CWC27: variants seen among roughly 807,000 people sequenced by gnomAD.
CWC27 encodes spliceosome-associated protein CWC27 homolog.
Under a neutral mutation model 63.6 loss-of-function variants are expected in CWC27, and 47 were observed. The observed-to-expected ratio is 0.74, with a 90% confidence interval of 0.58 to 0.94. The LOEUF is 0.94. CWC27 is among the 40% of genes least tolerant of loss of function. CWC27 has a pLI of 0.00. For missense variants in CWC27, 495 were observed against 554.3 expected (o/e 0.89, Z 1.07); for synonymous variants, 175 against 179.8 (o/e 0.97, Z 0.22).
At chr5:64,805,170 C>G (rs562341310) in intron 10 of CWC27, among the ~76,000 whole-genome samples, 1 of 151,846 alleles carries the variant, frequency 6.6e-6, no homozygotes, top group African/African-American at 2.4e-5. Flanking sequence ...AAAAGGATTT[C>G]CACGCTATCA....
chr5:64,981,940 G>A (rs1265812819), intron 13 of CWC27, among the ~76,000 whole-genome samples: 3 of 152,186 alleles, frequency 2.0e-5, no homozygotes, highest in African/African-American at 7.2e-5. Flanking sequence ...ATTTTTTTCA[G>A]TTTTATTATT....
chr5:64,929,523 T>C (rs1421118957), intron 11 of CWC27, among the ~76,000 whole-genome samples: 1 of 152,144 alleles, frequency 6.6e-6, no homozygotes, highest in Non-Finnish European at 1.5e-5. Context: ...AATAAAAAGA[T>C]AATGCAATTT....
At chr5:64,803,691 G>C (rs1267748902) in intron 9 of CWC27, among the ~76,000 whole-genome samples, 1 of 152,152 alleles carries the variant, frequency 6.6e-6, no homozygotes, top group African/African-American at 2.4e-5. Context: ...GGCTAGTGTT[G>C]GTGGGCTGGA....
intron 10 of CWC27, among the ~76,000 whole-genome samples, chr5:64,863,350 T>G (rs996670096): frequency 6.6e-6 from 1 of 152,098 alleles, no homozygotes; most frequent in Admixed American, 6.6e-5. Flanking sequence ...TTACCTCTCT[T>G]TTACTCAAGA....
intron 11 of CWC27, among the ~76,000 whole-genome samples, chr5:64,917,060 A>G (rs2112385797): frequency 6.6e-6 from 1 of 152,252 alleles, no homozygotes; most frequent in Non-Finnish European, 1.5e-5. Context: ...TGAGCTGGCT[A>G]AAGAGATAGT....
chr5:64,848,723 T>G (rs1746052351), intron 10 of CWC27, among the ~76,000 whole-genome samples: 1 of 152,048 alleles, frequency 6.6e-6, no homozygotes, highest in Non-Finnish European at 1.5e-5. Context: ...ATTAACAAAA[T>G]GAAGTATAAA....
chr5:64,841,487 A>G (rs1487726716), intron 10 of CWC27, among the ~76,000 whole-genome samples: 1 of 152,188 alleles, frequency 6.6e-6, no homozygotes, highest in Non-Finnish European at 1.5e-5. Context: ...CAGTGAATAT[A>G]CCCTTACCCA....
At chr5:64,861,766 C>T (rs1746417558) in intron 10 of CWC27, among the ~76,000 whole-genome samples, 1 of 152,188 alleles carries the variant, frequency 6.6e-6, no homozygotes. Context: ...AATACCAGGT[C>T]TCAACTGCCA....
chr5:64,926,883 A>G (rs954266586), intron 11 of CWC27, among the ~76,000 whole-genome samples: 4 of 152,348 alleles, frequency 2.6e-5, no homozygotes, highest in South Asian at 4.1e-4. Context: ...TTTACTATGT[A>G]ATAGCAATAT....
At chr5:64,769,280 G>A in intron 1 of CWC27, 92 bp downstream of exon 1, 7 of 1,106,842 alleles carry the variant, frequency 6.3e-6, no homozygotes, top group Non-Finnish European at 8.3e-6. Context: ...AGGATCTCGT[G>A]GTAGGAAGAG....
chr5:64,809,088 C>T lies in CWC27; in HGVS notation c.938+4702C>T, dbSNP rs1486089099. On this transcript the variant is annotated intron_variant, in intron 10 of 13. Transcript: ENST00000381070. ...ATTACCCATAAATTCACCTCTTGCC[C>T]CATTCTAGTTACTTCCCCCTCATCT... Among the ~76,000 whole-genome samples the T allele has an allele frequency of 2.0e-5, 3 of 152,046 alleles. No individual in the cohort carries two copies. The East Asian group carries it at 5.8e-4, about 29-fold the overall frequency.
chr5:64,956,174 T>C (rs892647547), intron 11 of CWC27, among the ~76,000 whole-genome samples: 8 of 152,088 alleles, frequency 5.3e-5, no homozygotes, highest in Non-Finnish European at 1.2e-4. Context: ...AATCAATAAT[T>C]AGGTATAGGA....
At chr5:64,957,273 T>C (rs1285861204) in intron 11 of CWC27, among the ~76,000 whole-genome samples, 1 of 152,206 alleles carries the variant, frequency 6.6e-6, no homozygotes, top group Admixed American at 6.5e-5. Flanking sequence ...ATTCTTTTTA[T>C]CTTGAAGAAT....
At position 64,971,053 on chromosome 5, in the gene CWC27, A is replaced by G. The variant is rs190768370; in HGVS notation, c.1043-650A>G. Among the ~76,000 whole-genome samples, 3 of 151,154 alleles carry G rather than the reference A, an allele frequency of 2.0e-5. No homozygotes were observed. The East Asian group carries it at 5.9e-4, about 30-fold the overall frequency. ...CACATGTGAGGTATTATAAAATGTT[A>G]CTAGTTGGGTTTGTTGGCTTGTTTG... On this transcript the variant is annotated intron_variant, in intron 11 of 13. Transcript: ENST00000381070.
chr5:64,781,982 T>G lies in CWC27; in HGVS notation c.201T>G (p.Asp67Glu). ...CTGGTTTCATAGTCCAAGGCGGAGA[T>G]CCTACTGGCACAGGGAGTGGTGGAG... ...VVPGFIVQGG[D>E]PTGTGSGGES... Residue 67 changes from aspartate to glutamate, a missense_variant, in exon 3 of 14, where the codon GAT becomes GAG. Physicochemically the swap from Asp to Glu is conservative, Grantham distance 45. Around this residue, in one of 3 missense-constraint regions of CWC27, gnomAD observed 463 missense variants for 498.1 expected, o/e 0.93. Coordinates refer to ENST00000381070, the MANE Select transcript of CWC27 (RefSeq NM_005869.4). 2 of 1,605,238 alleles carry G rather than the reference T, an allele frequency of 1.2e-6. No individual in the cohort carries two copies. Among genetic ancestry groups the G allele is most frequent in the Non-Finnish European group, 1.7e-6 (2 of 1,173,948 alleles).
chr5:64,921,660 A>G (rs1166257211), intron 11 of CWC27, among the ~76,000 whole-genome samples: 1 of 152,156 alleles, frequency 6.6e-6, no homozygotes, highest in African/African-American at 2.4e-5. Flanking sequence ...ATTTACATTC[A>G]GGGTCAATAT....
At chr5:64,773,665 A>T (rs1413500403) in intron 1 of CWC27, among the ~76,000 whole-genome samples, 1 of 152,252 alleles carries the variant, frequency 6.6e-6, no homozygotes, top group Non-Finnish European at 1.5e-5. Context: ...TAGGGGAGAA[A>T]AAAGAAGAAG....
At chr5:64,829,400 A>G (rs1233671711) in intron 10 of CWC27, among the ~76,000 whole-genome samples, 2 of 152,230 alleles carry the variant, frequency 1.3e-5, no homozygotes, top group Non-Finnish European at 1.5e-5. Flanking sequence ...TTTTTCCCCA[A>G]TTTGAAAAAT....
rs147745325 is a variant in CWC27, at chr5:64,812,041, G to A, written c.938+7655G>A. On this transcript the variant is annotated intron_variant, in intron 10 of 13. Coordinates refer to ENST00000381070, the MANE Select transcript of CWC27 (RefSeq NM_005869.4). ...ATTAATAAGCTTCTTCTCGTACTTA[G>A]ATAATTTTTGACTCTTACTGTACTT... is the stretch of plus-strand genomic sequence containing the variant. Among the ~76,000 whole-genome samples the A allele has an allele frequency of 2.2e-3, 341 of 152,084 alleles. 1 individual carries two copies. The highest frequency in any genetic ancestry group is 7.8e-3 in the African/African-American group (324 of 41,546).
Sources: gnomAD v4.1 joint callset for allele counts (sites outside exome capture counted in the v4.1 genomes callset) on GRCh38, gnomAD v4.1.1 for gene constraint, gnomAD v4.1.1 regional missense constraint, MANE v1.5 for transcripts, NCBI Gene and HGNC (gene_info 2026-07-23, HGNC 2026-07-21) for gene names.